The following DMD variants were observed in gnomAD, a reference collection of about 807,000 sequenced individuals.
DMD encodes mutant dystrophin.
A neutral mutation model predicts 330.1 loss-of-function variants in DMD; 63 were observed. The ratio of observed to expected loss-of-function variants is 0.19; its 90% CI spans 0.16 to 0.24. The LOEUF is 0.24. DMD is among the 10% of genes least tolerant of loss of function. The pLI, the probability that DMD is intolerant of heterozygous loss-of-function variation, is 1.00. For missense variants in DMD, 3,344 were observed against 2,684.1 expected (o/e 1.25, Z -5.43); for synonymous variants, 1,223 against 959.8 (o/e 1.27, Z -5.07).
intron 52 of DMD, among the ~76,000 whole-genome samples, chrX:31,709,826 T>C (rs893567352): frequency 1.8e-5 from 2 of 111,731 alleles, no homozygotes; most frequent in African/African-American, 6.5e-5. Context: ...TGCACTTATC[T>C]GTATCTATCT....
At chrX:31,699,915 C>T (rs1054644003) in intron 52 of DMD, among the ~76,000 whole-genome samples, 3 of 111,194 alleles carry the variant, frequency 2.7e-5, no homozygotes, top group South Asian at 7.6e-4. Context: ...CGGCTGGGCA[C>T]GGTGGCTCAC....
chrX:32,472,544 T>C (rs1016518334), intron 21 of DMD, among the ~76,000 whole-genome samples: 8 of 111,533 alleles, frequency 7.2e-5, no homozygotes, highest in African/African-American at 2.6e-4. Context: ...AAAATCTATA[T>C]TGTTCAATTC....
intron 11 of DMD, among the ~76,000 whole-genome samples, chrX:32,616,141 T>C (rs1247514636): frequency 9.0e-6 from 1 of 111,144 alleles, no homozygotes; most frequent in Non-Finnish European, 1.9e-5. Flanking sequence ...TTAAGCACAT[T>C]TTATAAAGCA....
intron 59 of DMD, among the ~76,000 whole-genome samples, chrX:31,445,550 A>G (rs189119347): frequency 2.2e-4 from 25 of 112,316 alleles, no homozygotes; most frequent in Admixed American, 1.7e-3. Flanking sequence ...AGATATATTC[A>G]GTCATAAAAT....
In DMD at chrX:31,641,904, G is replaced by A. The variant is rs189200612; in HGVS notation, c.8028-14042C>T. Among the ~76,000 whole-genome samples, 40 of 110,600 alleles carry A rather than the reference G, an allele frequency of 3.6e-4. 1 individual carries two copies. In the Admixed American group the frequency reaches 3.8e-3, roughly 10 times the overall value. On this transcript the variant is annotated intron_variant, in intron 54 of 78. Transcript: ENST00000357033. ...TTTTGCCCCAAATCTTTGTGGATGT[G>A]CATAATTGAAGAAAAAGATAATGTT... is the stretch of plus-strand genomic sequence containing the variant.
chrX:31,617,088 T>TGTG (rs1210730600), intron 55 of DMD, among the ~76,000 whole-genome samples: 1 of 111,764 alleles, frequency 8.9e-6, no homozygotes, highest in Non-Finnish European at 1.9e-5. Context: ...GGACAGACAT[T>TGTG]GGAAAGGAAT....
chrX:31,305,714 A>G, intron 62 of DMD, among the ~76,000 whole-genome samples: 1 of 112,471 alleles, frequency 8.9e-6, no homozygotes, highest in Non-Finnish European at 1.9e-5. Flanking sequence ...CTGCATTATA[A>G]CAAAGCACCA....
At chrX:32,959,913 AC>A (rs2091809248) in intron 2 of DMD, among the ~76,000 whole-genome samples, 1 of 111,828 alleles carries the variant, frequency 8.9e-6, no homozygotes, top group Non-Finnish European at 1.9e-5. Flanking sequence ...TTATGCCATC[AC>A]CACATTCAAA....
At chrX:32,680,847 A>G (rs1175718746) in intron 9 of DMD, among the ~76,000 whole-genome samples, 2 of 111,428 alleles carry the variant, frequency 1.8e-5, no homozygotes, top group Non-Finnish European at 3.8e-5. Flanking sequence ...TGTTTTGAAC[A>G]GAAAACCCTC....
intron 1 of DMD, among the ~76,000 whole-genome samples, chrX:33,064,273 G>A (rs913048920): frequency 3.6e-5 from 4 of 110,743 alleles, no homozygotes; most frequent in Admixed American, 9.7e-5. Context: ...TAGCAAAAAT[G>A]CCACCTCTAC....
chrX:31,482,064 C>T (rs1335417275), intron 57 of DMD, among the ~76,000 whole-genome samples: 3 of 111,358 alleles, frequency 2.7e-5, no homozygotes, highest in Non-Finnish European at 5.6e-5. Context: ...CAGCGTTCAT[C>T]ATGTTGCCCT....
intron 49 of DMD, among the ~76,000 whole-genome samples, chrX:31,830,812 A>G (rs111972833): frequency 1.8e-5 from 2 of 111,464 alleles, no homozygotes; most frequent in African/African-American, 6.5e-5. Context: ...AACTAGGCAG[A>G]CACAAGGCCA....
intron 48 of DMD, among the ~76,000 whole-genome samples, chrX:31,869,831 C>T (rs751981494): frequency 9.0e-6 from 1 of 111,367 alleles, no homozygotes; most frequent in Admixed American, 9.6e-5. Flanking sequence ...AGAAATCCAT[C>T]GGATTGCTAC....
At chrX:32,587,155 C>T (rs2054385032) in intron 13 of DMD, among the ~76,000 whole-genome samples, 1 of 111,794 alleles carries the variant, frequency 8.9e-6, no homozygotes, top group African/African-American at 3.2e-5. Flanking sequence ...ACCTAACTGA[C>T]ATTTAGGTGA....
chrX:32,361,474 A>G (rs1190940873), intron 37 of DMD, among the ~76,000 whole-genome samples: 1 of 111,900 alleles, frequency 8.9e-6, no homozygotes, highest in East Asian at 2.8e-4. Context: ...AGAGTACAAG[A>G]GAACTAAGTA....
At position 32,750,974 on chromosome X, in the gene DMD, C is replaced by T. The variant is rs577690369; in HGVS notation, c.650-51681G>A. On this transcript the variant is annotated intron_variant, in intron 7 of 78. Coordinates refer to ENST00000357033, the MANE Select transcript of DMD (RefSeq NM_004006.3). The stretch of plus-strand genomic sequence containing the variant: ...CTGCTGCCATCCATGTAAGACGTGA[C>T]TTGCTCTTCCTTGCCTTCCAGCATG... 5.4e-5 allele frequency among the ~76,000 whole-genome samples: 6 copies of T among 112,073 alleles called. No homozygotes were observed. In the South Asian group the frequency reaches 1.9e-3, roughly 35 times the overall value.
At chrX:31,830,551 G>T (rs191712212) in intron 49 of DMD, among the ~76,000 whole-genome samples, 3 of 110,503 alleles carry the variant, frequency 2.7e-5, no homozygotes, top group African/African-American at 9.9e-5. Flanking sequence ...CCGAGATCGC[G>T]CCACCGCACT....
intron 2 of DMD, among the ~76,000 whole-genome samples, chrX:32,962,736 A>G (rs982269194): frequency 4.5e-5 from 5 of 112,194 alleles, no homozygotes; most frequent in Non-Finnish European, 9.4e-5. Context: ...GCTTAATAAT[A>G]TATAGGATTT....
chrX:32,880,030 T>TA (rs78543412), intron 2 of DMD, among the ~76,000 whole-genome samples: 9,159 of 109,503 alleles, frequency 0.084, 359 homozygotes, highest in Middle Eastern at 0.15. Context: ...ATGCAAAACA[T>TA]AAAAAAAAAC....
Sources: gnomAD v4.1 joint callset for allele counts (sites outside exome capture counted in the v4.1 genomes callset) on GRCh38, gnomAD v4.1.1 for gene constraint, MANE v1.5 for transcripts, NCBI Gene and HGNC (gene_info 2026-07-23, HGNC 2026-07-21) for gene names.